Variants in LYRM4 observed in about 807,000 individuals in gnomAD.
LYRM4 encodes LYR motif containing 4, also known as LYR motif-containing protein 4.
LYRM4 carries 9 observed loss-of-function variants against 11.7 expected under a neutral mutation model. That is an observed-to-expected ratio of 0.77 (90% CI 0.46 to 1.34). The LOEUF is 1.34. Ranked by LOEUF, LYRM4 falls within the 40% of genes most tolerant of loss-of-function variation. The pLI is 0.00. For missense variants in LYRM4, 133 were observed against 112.5 expected (o/e 1.18, Z -0.82); for synonymous variants, 42 against 40.4 (o/e 1.04, Z -0.15).
chr6:5,163,620 ATT>A (rs34561251), intron 2 of LYRM4, among the ~76,000 whole-genome samples: 41,348 of 136,734 alleles, frequency 0.3, 6,049 homozygotes, highest in African/African-American at 0.41. Context: ...GACTGCATTA[ATT>A]TTTTTTTTTT....
chr6:5,171,076 T>C (rs1277333537), intron 2 of LYRM4, among the ~76,000 whole-genome samples: 1 of 152,268 alleles, frequency 6.6e-6, no homozygotes, highest in Non-Finnish European at 1.5e-5. Flanking sequence ...AAACTATGCA[T>C]TCATATTTAT....
the LYRM4 span, among the ~76,000 whole-genome samples, chr6:5,096,300 G>A: frequency 6.6e-6 from 1 of 152,082 alleles, no homozygotes; most frequent in East Asian, 1.9e-4. Flanking sequence ...GACCAGCCAG[G>A]ACAACATAGT....
the LYRM4 span, among the ~76,000 whole-genome samples, chr6:5,064,947 G>T: frequency 2.0e-5 from 3 of 151,724 alleles, no homozygotes; most frequent in Non-Finnish European, 4.4e-5. Context: ...CATCCTACGG[G>T]TTTTAATAAT....
chr6:5,143,895 T>C (rs2127628389), intron 2 of LYRM4, among the ~76,000 whole-genome samples: 1 of 152,282 alleles, frequency 6.6e-6, no homozygotes, highest in South Asian at 2.1e-4. Flanking sequence ...TATAAGTGAT[T>C]TATGTATTTG....
chr6:5,260,601 C>CGGGCCCCGGGG, intron 1 of LYRM4, 47 bp downstream of exon 1: 1 of 1,202,676 alleles, frequency 8.3e-7, no homozygotes, highest in Non-Finnish European at 1.2e-6. Context: ...CCCCCGGTCC[C>CGGGCCCCGGGG]CGGCCCCTGG....
intron 1 of LYRM4, among the ~76,000 whole-genome samples, chr6:5,230,208 A>G (rs1763152102): frequency 6.6e-6 from 1 of 152,218 alleles, no homozygotes; most frequent in African/African-American, 2.4e-5. Context: ...GCTAAGATCC[A>G]CAGTTCCCTC....
At chr6:5,172,559 C>T (rs1335751625) in intron 2 of LYRM4, among the ~76,000 whole-genome samples, 1 of 152,110 alleles carries the variant, frequency 6.6e-6, no homozygotes, top group Non-Finnish European at 1.5e-5. Flanking sequence ...GTTCTCACAT[C>T]CTGGACCTGT....
the LYRM4 span, chr6:5,086,450 G>T: frequency 6.5e-7 from 1 of 1,536,750 alleles, no homozygotes. Flanking sequence ...GACGAGCGCG[G>T]CGTCGCGGTC....
chr6:5,256,491 GAAAA>G (rs1161084364), intron 1 of LYRM4, among the ~76,000 whole-genome samples: 1 of 43,856 alleles, frequency 2.3e-5, no homozygotes, highest in Non-Finnish European at 3.6e-5. Flanking sequence ...ATTTCAACTG[GAAAA>G]AAAAAAAAAA....
the LYRM4 span, among the ~76,000 whole-genome samples, chr6:5,092,556 GA>G: frequency 0.045 from 6,628 of 147,692 alleles, 215 homozygotes; most frequent in African/African-American, 0.09. Context: ...CTAAAAATAT[GA>G]AAAAAAAAAA....
At chr6:5,214,797 A>G (rs1485055467) in intron 2 of LYRM4, among the ~76,000 whole-genome samples, 1 of 152,236 alleles carries the variant, frequency 6.6e-6, no homozygotes, top group Non-Finnish European at 1.5e-5. Context: ...ATGAAAGGGA[A>G]GTGAGTAGAA....
intron 1 of LYRM4, among the ~76,000 whole-genome samples, chr6:5,236,848 T>C (rs1395723695): frequency 6.6e-6 from 1 of 151,780 alleles, no homozygotes; most frequent in African/African-American, 2.4e-5. Flanking sequence ...CCCCAGCTAT[T>C]TGGGAGCCTG....
chr6:5,109,811 A>G (rs1762797179), intron 2 of LYRM4, among the ~76,000 whole-genome samples: 1 of 152,218 alleles, frequency 6.6e-6, no homozygotes, highest in Admixed American at 6.5e-5. Context: ...ATGTGTGCCC[A>G]GTACCTCCTC....
chr6:5,045,994 C>T, the LYRM4 span, among the ~76,000 whole-genome samples: 1 of 152,208 alleles, frequency 6.6e-6, no homozygotes, highest in Non-Finnish European at 1.5e-5. Flanking sequence ...GAACGTCTAC[C>T]TGCATGAGCA....
chr6:5,071,994 G>A, the LYRM4 span, among the ~76,000 whole-genome samples: 3 of 151,956 alleles, frequency 2.0e-5, no homozygotes, highest in African/African-American at 7.2e-5. Flanking sequence ...CCAACCTTCT[G>A]ACTGACCCAG....
intron 2 of LYRM4, among the ~76,000 whole-genome samples, chr6:5,131,594 A>G (rs1484754218): frequency 6.6e-6 from 1 of 152,214 alleles, no homozygotes; most frequent in Non-Finnish European, 1.5e-5. Flanking sequence ...CAACAAAGAA[A>G]ACATTGTCTG....
At chr6:5,185,771 C>G (rs994522031) in intron 2 of LYRM4, among the ~76,000 whole-genome samples, 1 of 152,150 alleles carries the variant, frequency 6.6e-6, no homozygotes, top group Non-Finnish European at 1.5e-5. Flanking sequence ...AGACAGACTT[C>G]AGAGTCATCC....
chr6:5,073,158 G>A, the LYRM4 span, among the ~76,000 whole-genome samples: 559 of 152,072 alleles, frequency 3.7e-3, 1 homozygote, highest in African/African-American at 0.013. Flanking sequence ...GCAGTGGGCC[G>A]ATCACATGAG....
At chr6:5,229,003 C>CA (rs70974180) in intron 1 of LYRM4, among the ~76,000 whole-genome samples, 3,454 of 36,562 alleles carry the variant, frequency 0.094, 200 homozygotes, top group South Asian at 0.14. Flanking sequence ...GGCTCAGTCT[C>CA]AAAAAAAAAA....
Sources: gnomAD v4.1 joint callset for allele counts (sites outside exome capture counted in the v4.1 genomes callset) on GRCh38, gnomAD v4.1.1 for gene constraint, MANE v1.5 for transcripts, NCBI Gene and HGNC (gene_info 2026-07-23, HGNC 2026-07-21) for gene names.